The following RND3 variants were observed in gnomAD, a reference collection of about 807,000 sequenced individuals.
RND3 encodes the protein rho-related GTP-binding protein RhoE.
Under a neutral mutation model 26.5 loss-of-function variants are expected in RND3, and 8 were observed. That is an observed-to-expected ratio of 0.30 (90% CI 0.18 to 0.54). The LOEUF (loss-of-function observed/expected upper bound fraction) is 0.54, where lower values mean the gene tolerates loss of function less well. Ranked by LOEUF, RND3 falls within the 20% of genes least tolerant of loss-of-function variation. The probability of loss-of-function intolerance (pLI) is 0.94; values close to 1 mark genes in which losing one functional copy is unlikely to be tolerated. For missense variants in RND3, 207 were observed against 302.8 expected (o/e 0.68, Z 2.35); for synonymous variants, 113 against 113.0 (o/e 1.00, Z 0.00).
rs754342785 is a variant in RND3, at chr2:150,471,747, G to T, written c.363C>A (p.Ile121=). Residue 121 remains isoleucine (I), a synonymous_variant, in exon 5 of 6, where the codon ATC becomes ATA. Transcript: ENST00000263895. The part of the protein sequence containing the change: ...DSVLKKWKGE[I]QEFCPNTKML... ...TTTTGGTATTTGGACAAAATTCCTG[G>T]ATTTCACCTTTCCACTATGAAAGAA... 6.2e-7 allele frequency: 1 copy of T among 1,604,836 alleles called. No homozygotes were observed. Among genetic ancestry groups the T allele is most frequent in the South Asian group, 1.1e-5 (1 of 90,226 alleles).
Position 150,487,464 on chromosome 2 carries a change from G to C in RND3, c.-38-9C>G. The C allele has an allele frequency of 3.5e-6, 1 of 288,034 alleles. No individual in the cohort carries two copies. Among genetic ancestry groups the C allele is most frequent in the Non-Finnish European group, 5.6e-6 (1 of 179,214 alleles). 17.8% of individuals were successfully genotyped at this position (288,034 alleles called of 1,614,324 possible). On this transcript the variant is annotated splice_polypyrimidine_tract_variant and intron_variant, in intron 1 of 5. Coordinates refer to ENST00000263895, the MANE Select transcript of RND3 (RefSeq NM_005168.5). ...TGGAACAGGAATTTTCTCTTAAGAA[G>C]AAAAAAAAAAATATATATATATATA...
At chr2:150,473,364 T>C (rs1686116402) in intron 4 of RND3, among the ~76,000 whole-genome samples, 1 of 152,148 alleles carries the variant, frequency 6.6e-6, no homozygotes, top group Non-Finnish European at 1.5e-5. Context: ...GAGAAAGGCT[T>C]TTCATCATAA....
Position 150,470,060 on chromosome 2 carries a change from G to C in RND3, c.662C>G (p.Pro221Arg). 1 of 1,614,058 alleles carries C rather than the reference G, an allele frequency of 6.2e-7. No homozygotes were observed. Among genetic ancestry groups the C allele is most frequent in the Non-Finnish European group, 8.5e-7 (1 of 1,179,960 alleles). The change falls in exon 6 of 6, where the codon CCT becomes CGT. Residue 221 changes from proline to arginine, a missense_variant. By Grantham distance (103) the Pro-to-Arg change is moderately radical. Coordinates refer to ENST00000263895, the MANE Select transcript of RND3 (RefSeq NM_005168.5). ...QRATKRISHM[P>R]SRPELSAVAT... ...AACTGCCGAGAGTTCTGGTCTGCTA[G>C]GCATGTGTGAAATCCGCTTTGTGGC...
intron 3 of RND3, among the ~76,000 whole-genome samples, chr2:150,478,579 CAA>C (rs1229770069): frequency 2.8e-4 from 30 of 106,338 alleles, no homozygotes; most frequent in Admixed American, 6.2e-4. Context: ...AGCCAAACGG[CAA>C]AAAAAAAAAA....
intron 5 of RND3, 133 bp downstream of exon 5, chr2:150,471,493 AT>A (rs1686087596): frequency 1.5e-6 from 1 of 675,150 alleles, no homozygotes; most frequent in Non-Finnish European, 2.5e-6. Flanking sequence ...AAATGACAGC[AT>A]TTTAAATTTC....
At position 150,476,888 on chromosome 2, in the gene RND3, G is replaced by A. The variant is rs115100436; in HGVS notation, c.239-1904C>T. On this transcript the variant is annotated intron_variant, in intron 3 of 5. Coordinates refer to ENST00000263895, the MANE Select transcript of RND3 (RefSeq NM_005168.5). Reference sequence around the variant, plus strand: ...TGGCTACATTAGTATTTCCATATTAGTTCTAAGAAGTTCACACTTTCTCAA... The same window carrying A: ...TGGCTACATTAGTATTTCCATATTAATTCTAAGAAGTTCACACTTTCTCAA... Among the ~76,000 whole-genome samples, 1,495 of 152,246 alleles carry A rather than the reference G, an allele frequency of 9.8e-3. 25 individuals carry two copies. The highest frequency in any genetic ancestry group is 0.034 in the African/African-American group (1,425 of 41,544).
Position 150,486,730 on chromosome 2 carries a change from T to C in RND3, c.202A>G (p.Thr68Ala). 2.5e-6 allele frequency: 4 copies of C among 1,613,832 alleles called. No homozygotes were observed. The highest frequency in any genetic ancestry group is 3.4e-6 in the Non-Finnish European group (4 of 1,179,686). Residue 68 changes from threonine to alanine, a missense_variant, in exon 3 of 6, where the codon ACA becomes GCA. Transcript: ENST00000263895. The surrounding 1 kb of genome is among the most constrained non-coding windows in gnomAD (Gnocchi z 4.5). Reference sequence around the variant, plus strand: ...CACAGGCTCAACTCTATTCTTTGTGTGTCGATTTCAAAACTGGCCGTGTAA... The same window carrying C: ...CACAGGCTCAACTCTATTCTTTGTGCGTCGATTTCAAAACTGGCCGTGTAA... ...ENYTASFEID[T>A]QRIELSLWDT...
chr2:150,482,517 T>C (rs1229527390), intron 3 of RND3, among the ~76,000 whole-genome samples: 1 of 152,164 alleles, frequency 6.6e-6, no homozygotes, highest in Non-Finnish European at 1.5e-5. Context: ...TCTGCAACTA[T>C]TAAGAATGTT....
At chr2:150,481,707 A>G (rs977537923) in intron 3 of RND3, among the ~76,000 whole-genome samples, 43 of 151,670 alleles carry the variant, frequency 2.8e-4, no homozygotes, top group African/African-American at 1.0e-3. Flanking sequence ...AGATGTGTTC[A>G]TTTATATGCT....
intron 4 of RND3, among the ~76,000 whole-genome samples, chr2:150,472,943 G>A (rs935907162): frequency 1.3e-5 from 2 of 152,068 alleles, no homozygotes; most frequent in African/African-American, 4.8e-5. Context: ...GGATTCAAAG[G>A]AGTAATATAC....
chr2:150,473,869 T>C (rs1686122964), intron 4 of RND3, among the ~76,000 whole-genome samples: 1 of 152,210 alleles, frequency 6.6e-6, no homozygotes, highest in Non-Finnish European at 1.5e-5. Context: ...CCTGCATGTT[T>C]GTCTTTCTCA....
In RND3 at chr2:150,474,902, T is replaced by C. The variant is rs1686141349; in HGVS notation, c.321A>G (p.Pro107=). 1 of 1,611,706 alleles carries C rather than the reference T, an allele frequency of 6.2e-7. No individual in the cohort carries two copies. Among genetic ancestry groups the C allele is most frequent in the African/African-American group, 1.3e-5 (1 of 74,990 alleles). Residue 107 remains proline, a synonymous_variant, in exon 4 of 6, where the codon CCA becomes CCG. Transcript: ENST00000263895. ...AVLICFDISR[P]ETLDSVLKKW... is the part of the protein sequence containing the mutation. ...TTTTGAGGACACTGTCCAGGGTCTC[T>C]GGTCTACTGATGTCAAAGCAAATCA...
intron 3 of RND3, among the ~76,000 whole-genome samples, chr2:150,485,019 T>C (rs1190111620): frequency 6.6e-6 from 1 of 152,192 alleles, no homozygotes; most frequent in African/African-American, 2.4e-5. Context: ...GCCCATTAAG[T>C]ACCAGGCTGT....
intron 3 of RND3, among the ~76,000 whole-genome samples, chr2:150,484,547 C>G (rs1202029924): frequency 1.3e-5 from 2 of 152,154 alleles, no homozygotes; most frequent in East Asian, 3.9e-4. Flanking sequence ...GGAAGCCTGG[C>G]TCTGCCCAGA....
chr2:150,477,861 T>A (rs1214251820), intron 3 of RND3, among the ~76,000 whole-genome samples: 1 of 152,200 alleles, frequency 6.6e-6, no homozygotes, highest in East Asian at 1.9e-4. Flanking sequence ...TAACATGATC[T>A]AATTAGGGAT....
Position 150,486,638 on chromosome 2 carries a change from C to T in RND3, c.238+56G>A. 1 of 1,236,758 alleles carries T rather than the reference C, an allele frequency of 8.1e-7. No individual in the cohort carries two copies. Among genetic ancestry groups the T allele is most frequent in the South Asian group, 1.2e-5 (1 of 83,596 alleles). The allele number at this position is 1,236,758 out of a possible 1,614,324, so 76.6% of individuals were successfully genotyped here. A position where few individuals can be genotyped will look rare whatever the true frequency, so the allele number is the denominator to read the frequency against. On this transcript the variant is annotated intron_variant, in intron 3 of 5. Transcript: ENST00000263895. The surrounding 1 kb of genome is among the most constrained non-coding windows in gnomAD (Gnocchi z 4.5). ...GCGCGGTTTCCCGAGACCCGCCGCG[C>T]ATCCCCCAGCGACTGGAAACCCGCC...
intron 4 of RND3, among the ~76,000 whole-genome samples, chr2:150,473,679 C>T (rs1686120207): frequency 6.6e-6 from 1 of 152,184 alleles, no homozygotes; most frequent in Non-Finnish European, 1.5e-5. Flanking sequence ...TTTTATTGAA[C>T]TCTGTTTGTA....
chr2:150,481,325 A>G (rs1439013591), intron 3 of RND3, among the ~76,000 whole-genome samples: 2 of 152,192 alleles, frequency 1.3e-5, no homozygotes, highest in Non-Finnish European at 2.9e-5. Context: ...AGCACTAGAC[A>G]GGAGGAAGTC....
At chr2:150,482,050 G>T (rs921291941) in intron 3 of RND3, among the ~76,000 whole-genome samples, 1 of 152,166 alleles carries the variant, frequency 6.6e-6, no homozygotes, top group Non-Finnish European at 1.5e-5. Context: ...AAAATAGGAA[G>T]TACTAACTTT....
Sources: gnomAD v4.1 joint callset for allele counts (sites outside exome capture counted in the v4.1 genomes callset) on GRCh38, gnomAD v4.1.1 for gene constraint, Gnocchi (gnomAD v3.1) non-coding constraint, MANE v1.5 for transcripts, NCBI Gene and HGNC (gene_info 2026-07-23, HGNC 2026-07-21) for gene names.